C2CD5: variants seen among roughly 807,000 people sequenced by gnomAD.
The protein encoded by C2CD5 is C2 domain-containing protein 5.
In C2CD5, 109 loss-of-function variants were observed where a neutral mutation model predicts 130.3. The observed-to-expected ratio is 0.84, with a 90% CI of 0.72 to 0.98. C2CD5 has a LOEUF of 0.98. C2CD5 is among the 50% of genes least tolerant of loss of function. The probability of loss-of-function intolerance (pLI) is 0.00; values close to 1 mark genes in which losing one functional copy is unlikely to be tolerated. For synonymous variants in C2CD5, 454 were observed against 429.2 expected (o/e 1.06, Z -0.71); for missense variants, 996 against 1,261.8 (o/e 0.79, Z 3.19).
chr12:22,482,589 T>G lies in C2CD5; in HGVS notation c.1705A>C (p.Thr569Pro). 1 of 1,613,872 alleles carries G rather than the reference T, an allele frequency of 6.2e-7. No homozygotes were observed. Among genetic ancestry groups the G allele is most frequent in the Non-Finnish European group, 8.5e-7 (1 of 1,179,872 alleles). ...NALFGLRIQI[T>P]VGENMLMGLA... ...CCCATCAACATATTTTCACCCACTG[T>G]GATCTGAATTCTTAGTCCAAACAAA... is the stretch of plus-strand genomic sequence containing the variant. Residue 569 changes from threonine (T) to proline (P), a missense_variant, in exon 14 of 27, where the codon ACA becomes CCA. Thr to Pro is a conservative substitution (Grantham distance 38, BLOSUM62 -1). Around this residue, in one of 9 missense-constraint regions of C2CD5, gnomAD observed 590 missense variants for 631.4 expected, o/e 0.93. Transcript: ENST00000446597.
intron 2 of C2CD5, among the ~76,000 whole-genome samples, chr12:22,542,932 A>G (rs1041072573): frequency 1.3e-5 from 2 of 152,212 alleles, no homozygotes; most frequent in Non-Finnish European, 2.9e-5. Flanking sequence ...GTGTGGGTCA[A>G]TGTCTGAACT....
At chr12:22,524,231 G>A (rs902231241) in intron 6 of C2CD5, among the ~76,000 whole-genome samples, 2 of 151,984 alleles carry the variant, frequency 1.3e-5, no homozygotes, top group African/African-American at 2.4e-5. Context: ...CTTGCTCAGC[G>A]CTCTTTCCAC....
At chr12:22,523,310 A>C (rs548511475) in intron 7 of C2CD5, 116 bp downstream of exon 7, 4 of 726,430 alleles carry the variant, frequency 5.5e-6, no homozygotes, top group Admixed American at 3.1e-5. Context: ...ATCACCAATA[A>C]AAATCATCAC....
At chr12:22,524,671 A>G in intron 5 of C2CD5, 44 bp from the exon 6 acceptor site, 1 of 1,507,962 alleles carries the variant, frequency 6.6e-7, no homozygotes, top group Non-Finnish European at 9.1e-7. Context: ...AAAAGGTAAA[A>G]CTCAATTTTT....
At chr12:22,520,873 G>A (rs1950209669) in intron 7 of C2CD5, among the ~76,000 whole-genome samples, 1 of 152,028 alleles carries the variant, frequency 6.6e-6, no homozygotes, top group South Asian at 2.1e-4. Flanking sequence ...CACCATTAAT[G>A]TAGGTAAAAT....
At chr12:22,530,288 A>G (rs1446491348) in intron 3 of C2CD5, among the ~76,000 whole-genome samples, 6 of 149,252 alleles carry the variant, frequency 4.0e-5, no homozygotes, top group African/African-American at 1.5e-4. Flanking sequence ...CTGTGTGTGT[A>G]TATATATTTA....
At chr12:22,530,654 A>T (rs1592012280) in intron 3 of C2CD5, among the ~76,000 whole-genome samples, 1 of 151,636 alleles carries the variant, frequency 6.6e-6, no homozygotes, top group East Asian at 1.9e-4. Flanking sequence ...ACGGGGTTTC[A>T]CTCTGTTGCC....
intron 8 of C2CD5, among the ~76,000 whole-genome samples, chr12:22,517,407 C>A (rs1467909591): frequency 6.6e-6 from 1 of 151,762 alleles, no homozygotes; most frequent in Non-Finnish European, 1.5e-5. Flanking sequence ...ACCCAGAAAT[C>A]ATTCATCAAA....
intron 15 of C2CD5, among the ~76,000 whole-genome samples, chr12:22,476,126 G>C (rs570137559): frequency 1.5e-4 from 23 of 152,044 alleles, no homozygotes; most frequent in Non-Finnish European, 2.8e-4. Flanking sequence ...TGATACCTTT[G>C]ATTATCTCCA....
chr12:22,532,783 G>A (rs1319897031), intron 3 of C2CD5, among the ~76,000 whole-genome samples: 1 of 152,144 alleles, frequency 6.6e-6, no homozygotes, highest in Non-Finnish European at 1.5e-5. Context: ...ACTGAAGAAT[G>A]ACACCTTACC....
At chr12:22,522,546 C>CT (rs1243379590) in intron 7 of C2CD5, among the ~76,000 whole-genome samples, 3 of 152,052 alleles carry the variant, frequency 2.0e-5, no homozygotes, top group Non-Finnish European at 4.4e-5. Context: ...CAGCAAACTC[C>CT]TTTTTTTGTA....
chr12:22,523,214 AAAAAAT>A (rs1362659732), intron 7 of C2CD5, among the ~76,000 whole-genome samples: 5 of 152,174 alleles, frequency 3.3e-5, no homozygotes, highest in Non-Finnish European at 7.3e-5. Context: ...ACCCTGTCAC[AAAAAAT>A]AAAAATAAAA....
intron 25 of C2CD5, among the ~76,000 whole-genome samples, 167 bp from the exon 26 acceptor site, chr12:22,454,209 A>G (rs531905150): frequency 6.6e-6 from 1 of 152,322 alleles, no homozygotes; most frequent in South Asian, 2.1e-4. Context: ...ATGAACAAAC[A>G]TTGACTGAAC....
At position 22,479,842 on chromosome 12, in the gene C2CD5, C is replaced by CA. The variant is rs951867903; in HGVS notation, c.1738-1366dup. Among the ~76,000 whole-genome samples, 29 of 150,666 alleles carry CA rather than the reference C, an allele frequency of 1.9e-4. 1 individual carries two copies. Among genetic ancestry groups the CA allele is most frequent in the South Asian group, 6.3e-4 (3 of 4,758 alleles). On this transcript the variant is annotated intron_variant, in intron 14 of 26. Transcript: ENST00000446597. ...TGTAAATATGCTAATATAAGCAAAG[C>CA]AAAAAAAATAGAAGCATAAACATCA...
At chr12:22,450,897 C>T (rs1938452435) in intron 26 of C2CD5, among the ~76,000 whole-genome samples, 1 of 152,030 alleles carries the variant, frequency 6.6e-6, no homozygotes, top group Non-Finnish European at 1.5e-5. Context: ...TAAAGGTAGT[C>T]TTTATGTCCT....
intron 10 of C2CD5, among the ~76,000 whole-genome samples, chr12:22,504,064 T>C (rs543630867): frequency 6.6e-6 from 1 of 152,224 alleles, no homozygotes; most frequent in African/African-American, 2.4e-5. Context: ...AAACACATTC[T>C]GTAATAGGAA....
chr12:22,484,580 CCA>C, intron 13 of C2CD5, 115 bp downstream of exon 13: 1 of 467,418 alleles, frequency 2.1e-6, no homozygotes, highest in Non-Finnish European at 3.8e-6. Flanking sequence ...GCAGAATTGT[CCA>C]GTTTGTGCAG....
rs774696310 is a variant in C2CD5 at position 22,506,698 on chromosome 12, T to C, written c.1147+13A>G. 7.0e-7 allele frequency: 1 copy of C among 1,438,570 alleles called. No individual in the cohort carries two copies. Among genetic ancestry groups the C allele is most frequent in the Non-Finnish European group, 9.7e-7 (1 of 1,026,484 alleles). 89.1% of individuals were successfully genotyped at this position (1,438,570 alleles called of 1,614,324 possible). ...TTAAATAAAGGAAACATTGAAACTT[T>C]TTAAGAACATACCAGGATTGTGGAT... On this transcript the variant is annotated intron_variant, in intron 10 of 26. Coordinates refer to ENST00000446597, the MANE Select transcript of C2CD5 (RefSeq NM_001286176.2).
intron 10 of C2CD5, 149 bp from the exon 11 acceptor site, chr12:22,493,486 C>T (rs1401959572): frequency 1.9e-6 from 1 of 516,058 alleles, no homozygotes; most frequent in Admixed American, 3.4e-5. Context: ...TGCTACTTCT[C>T]AAAAGGCATA....
Sources: allele counts gnomAD v4.1 joint callset (sites outside exome capture counted in the v4.1 genomes callset), GRCh38; gene constraint gnomAD v4.1.1; regional missense constraint gnomAD v4.1.1; transcripts MANE v1.5; gene names NCBI Gene and HGNC (gene_info 2026-07-23, HGNC 2026-07-21).